The following KCNMA1 variants were observed in gnomAD, a reference collection of about 807,000 sequenced individuals.
KCNMA1 encodes Calcium-activated potassium channel subunit alpha-1.
KCNMA1 carries 29 observed loss-of-function variants against 140.0 expected under a neutral mutation model. That is an observed-to-expected ratio of 0.21 (90% CI 0.15 to 0.28). KCNMA1 has a LOEUF of 0.28. Among genes scored for constraint, KCNMA1 ranks in the 10% least tolerant of loss-of-function variants. KCNMA1 has a pLI of 1.00. For synonymous variants in KCNMA1, 612 were observed against 611.9 expected, an observed-to-expected ratio of 1.00 and a Z score of 0.00; for missense variants, 880 against 1,602.2, an observed-to-expected ratio of 0.55 and a Z score of 7.70.
chr10:77,252,556 T>TGTGTGTGC (rs1341882275), intron 2 of KCNMA1, among the ~76,000 whole-genome samples: 2 of 149,200 alleles, frequency 1.3e-5, no homozygotes, highest in South Asian at 2.1e-4. Flanking sequence ...TGTGTGTGTG[T>TGTGTGTGC]GCGGGCACGT....
chr10:77,294,165 A>G (rs925554515), intron 2 of KCNMA1, among the ~76,000 whole-genome samples: 8 of 152,230 alleles, frequency 5.3e-5, no homozygotes, highest in African/African-American at 1.7e-4. Context: ...ATTTGACAGA[A>G]TAGCTTGGAA....
chr10:76,889,365 GA>G, intron 27 of KCNMA1, 85 bp downstream of exon 27: 2 of 906,004 alleles, frequency 2.2e-6, no homozygotes, highest in Non-Finnish European at 3.7e-6. Flanking sequence ...GATGTATACA[GA>G]CCTTTGCCTT....
intron 1 of KCNMA1, among the ~76,000 whole-genome samples, chr10:77,449,266 G>A (rs927317967): frequency 6.6e-5 from 10 of 151,958 alleles, no homozygotes; most frequent in Non-Finnish European, 1.0e-4. Flanking sequence ...CAAGAAACTC[G>A]ACACCCAACA....
At chr10:77,451,494 T>G (rs967662155) in intron 1 of KCNMA1, among the ~76,000 whole-genome samples, 1 of 152,000 alleles carries the variant, frequency 6.6e-6, no homozygotes, top group Non-Finnish European at 1.5e-5. Context: ...AAATCCCAGG[T>G]AGAAAGTGAG....
chr10:77,231,614 T>C (rs1216790716), intron 3 of KCNMA1, among the ~76,000 whole-genome samples: 1 of 152,210 alleles, frequency 6.6e-6, no homozygotes, highest in African/African-American at 2.4e-5. Context: ...GAGTCACTCT[T>C]GATTCCTCTC....
chr10:77,143,146 C>T (rs1221872277), intron 5 of KCNMA1, among the ~76,000 whole-genome samples: 1 of 152,006 alleles, frequency 6.6e-6, no homozygotes, highest in Non-Finnish European at 1.5e-5. Flanking sequence ...AAATATATGT[C>T]ATCAACATAG....
At chr10:76,911,869 GCA>G (rs2050443247) in intron 24 of KCNMA1, 1 of 152,210 alleles carries the variant, frequency 6.6e-6, no homozygotes, top group South Asian at 2.1e-4. Flanking sequence ...ATGGAAGAAT[GCA>G]GTTTTAGTTA....
At chr10:77,116,243 G>A (rs1416676885) in intron 6 of KCNMA1, among the ~76,000 whole-genome samples, 1 of 152,132 alleles carries the variant, frequency 6.6e-6, no homozygotes, top group African/African-American at 2.4e-5. Context: ...TCCATCCCAT[G>A]AGTTCTAATT....
At chr10:77,165,934 C>T (rs996490578) in intron 5 of KCNMA1, among the ~76,000 whole-genome samples, 3 of 152,156 alleles carry the variant, frequency 2.0e-5, no homozygotes, top group East Asian at 1.9e-4. Context: ...GGTGGCAGCA[C>T]GTCACAACAC....
At chr10:77,178,352 A>G (rs2154115524) in intron 5 of KCNMA1, among the ~76,000 whole-genome samples, 1 of 152,308 alleles carries the variant, frequency 6.6e-6, no homozygotes, top group East Asian at 1.9e-4. Context: ...CTGGCTGGTG[A>G]GTGCATCATT....
chr10:76,879,704 G>A (rs754248221), intron 29 of KCNMA1, among the ~76,000 whole-genome samples: 1 of 151,934 alleles, frequency 6.6e-6, no homozygotes, highest in Non-Finnish European at 1.5e-5. Context: ...TAGAAATCCG[G>A]GACTGTGTAC....
At chr10:77,336,893 A>G (rs1376710542) in intron 2 of KCNMA1, among the ~76,000 whole-genome samples, 1 of 152,204 alleles carries the variant, frequency 6.6e-6, no homozygotes, top group Non-Finnish European at 1.5e-5. Flanking sequence ...GGGTGAATGA[A>G]CCATTGTCAA....
At chr10:77,614,455 G>A (rs1005236992) in intron 1 of KCNMA1, among the ~76,000 whole-genome samples, 6 of 152,174 alleles carry the variant, frequency 3.9e-5, no homozygotes, top group South Asian at 2.1e-4. Flanking sequence ...GGAATTCTCC[G>A]GGGCTCATCG....
intron 2 of KCNMA1, among the ~76,000 whole-genome samples, chr10:77,369,366 A>G (rs1603431558): frequency 6.6e-6 from 1 of 152,294 alleles, no homozygotes; most frequent in African/African-American, 2.4e-5. Flanking sequence ...GAATCTCTGA[A>G]GGGGGACCTA....
chr10:76,883,672 G>A (rs978987281), downstream of KCNMA1, among the ~76,000 whole-genome samples: 7 of 145,696 alleles, frequency 4.8e-5, no homozygotes, highest in Non-Finnish European at 4.5e-5. Context: ...CTTTTTAAAT[G>A]TATATACTTT....
chr10:77,308,525 G>T (rs186430975), intron 2 of KCNMA1, among the ~76,000 whole-genome samples: 1 of 152,298 alleles, frequency 6.6e-6, no homozygotes, highest in East Asian at 1.9e-4. Context: ...GTGATTCCAG[G>T]TAATTCCTCT....
intron 5 of KCNMA1, among the ~76,000 whole-genome samples, chr10:77,173,377 AATTT>A (rs1489598676): frequency 6.6e-6 from 1 of 152,126 alleles, no homozygotes; most frequent in Non-Finnish European, 1.5e-5. Context: ...GACTCTCAGC[AATTT>A]ATTTAACCTT....
At position 77,251,264 on chromosome 10, in the gene KCNMA1, AGAAGAG is replaced by A; in HGVS notation, c.541-14_541-9del. 1 of 1,609,362 alleles carries A rather than the reference AGAAGAG, an allele frequency of 6.2e-7. No individual in the cohort carries two copies. The highest frequency in any genetic ancestry group is 8.5e-7 in the Non-Finnish European group (1 of 1,175,872). ...AGCAAAGACTAAGACAACCTGTAAA[AGAAGAG>A]GAGAATGCCATCACTTAAGAGTTGG... On this transcript the variant is annotated splice_polypyrimidine_tract_variant and intron_variant, in intron 2 of 27. Transcript: ENST00000286628.
At position 76,886,340 on chromosome 10, in the gene KCNMA1, A is replaced by C. The variant is rs1167141895; in HGVS notation, c.*926T>G. On this transcript the variant is annotated 3_prime_UTR_variant, in exon 28 of 28. Coordinates refer to ENST00000286628, the MANE Select transcript of KCNMA1 (RefSeq NM_001161352.2). ...ACATAAGGTAAGTAATTCACCTTTT[A>C]AAAGATGTAAAAGTCCCAGGAAGGC... 1 of 985,062 alleles carries C rather than the reference A, an allele frequency of 1.0e-6. No homozygotes were observed. Among genetic ancestry groups the C allele is most frequent in the African/African-American group, 1.7e-5 (1 of 57,242 alleles). The allele number at this position is 985,062 out of a possible 1,614,324, so 61.0% of individuals were successfully genotyped here. A position where few individuals can be genotyped will look rare whatever the true frequency, so the allele number is the denominator to read the frequency against.
Sources: allele counts gnomAD v4.1 joint callset (sites outside exome capture counted in the v4.1 genomes callset), GRCh38; gene constraint gnomAD v4.1.1; transcripts MANE v1.5; gene names NCBI Gene and HGNC (gene_info 2026-07-23, HGNC 2026-07-21).